The following GALNT13 variants were observed in gnomAD, a reference collection of about 807,000 sequenced individuals.
GALNT13 encodes polypeptide N-acetylgalactosaminyltransferase 13.
Under a neutral mutation model 64.2 loss-of-function variants are expected in GALNT13, and 28 were observed. That is an observed-to-expected ratio of 0.44 (90% CI 0.32 to 0.60). The LOEUF is 0.60. Among genes scored for constraint, GALNT13 ranks in the 20% least tolerant of loss-of-function variants. GALNT13 has a pLI of 0.05. For synonymous variants in GALNT13, 214 were observed against 224.6 expected (o/e 0.95, Z 0.42); for missense variants, 577 against 669.8 (o/e 0.86, Z 1.53).
the GALNT13 span, among the ~76,000 whole-genome samples, chr2:153,291,429 A>G: frequency 6.6e-6 from 1 of 152,186 alleles, no homozygotes; most frequent in Admixed American, 6.5e-5. Context: ...ATAACCTAGG[A>G]TCACATAGTG....
chr2:154,364,885 G>T (rs1428540367), intron 9 of GALNT13, among the ~76,000 whole-genome samples: 1 of 152,130 alleles, frequency 6.6e-6, no homozygotes, highest in Non-Finnish European at 1.5e-5. Flanking sequence ...TGGCTAAGCT[G>T]GTCTTGAACT....
At chr2:153,852,757 T>C in the GALNT13 span, among the ~76,000 whole-genome samples, 7 of 152,208 alleles carry the variant, frequency 4.6e-5, no homozygotes, top group Non-Finnish European at 7.4e-5. Context: ...GCTTTAAACA[T>C]ATAACAGCCA....
chr2:154,101,306 A>G (rs367994569), intron 3 of GALNT13, among the ~76,000 whole-genome samples: 38 of 151,848 alleles, frequency 2.5e-4, no homozygotes, highest in Non-Finnish European at 4.9e-4. Flanking sequence ...GGTTGTAATA[A>G]TTTTATTACA....
At chr2:153,320,990 T>C in the GALNT13 span, among the ~76,000 whole-genome samples, 2 of 152,196 alleles carry the variant, frequency 1.3e-5, no homozygotes, top group Non-Finnish European at 2.9e-5. Flanking sequence ...GCTACTTATT[T>C]GTACTGATTC....
At chr2:153,508,724 G>A in the GALNT13 span, among the ~76,000 whole-genome samples, 6 of 152,232 alleles carry the variant, frequency 3.9e-5, no homozygotes, top group South Asian at 6.2e-4. Context: ...TCCTTCAAAG[G>A]GTTTATGGAT....
intron 3 of GALNT13, among the ~76,000 whole-genome samples, chr2:154,004,415 A>G (rs1282014921): frequency 1.3e-5 from 2 of 152,116 alleles, no homozygotes; most frequent in Admixed American, 1.3e-4. Context: ...CATGTTAGCC[A>G]GGATGGTCTT....
At chr2:154,088,205 A>G (rs965433977) in intron 3 of GALNT13, among the ~76,000 whole-genome samples, 1 of 152,006 alleles carries the variant, frequency 6.6e-6, no homozygotes, top group African/African-American at 2.4e-5. Flanking sequence ...TAAGGCCTTC[A>G]TTTCTTCTGT....
At chr2:153,575,611 C>G in the GALNT13 span, among the ~76,000 whole-genome samples, 22 of 152,122 alleles carry the variant, frequency 1.4e-4, no homozygotes, top group Non-Finnish European at 2.8e-4. Context: ...CTCTTCACTC[C>G]CCTTTCTAAA....
chr2:153,709,986 G>C, the GALNT13 span, among the ~76,000 whole-genome samples: 4 of 152,058 alleles, frequency 2.6e-5, no homozygotes, highest in African/African-American at 7.2e-5. Context: ...CTGTGGGGTG[G>C]ACGCAATGTG....
the GALNT13 span, among the ~76,000 whole-genome samples, chr2:153,515,534 G>C: frequency 6.6e-6 from 1 of 152,158 alleles, no homozygotes; most frequent in African/African-American, 2.4e-5. Flanking sequence ...CAAATCCTGA[G>C]AAATAAACTA....
Position 154,130,883 on chromosome 2 carries a change from C to T in GALNT13, c.143-9454C>T, listed in dbSNP as rs1490645058. 5.3e-5 allele frequency among the ~76,000 whole-genome samples: 8 copies of T among 152,272 alleles called. No homozygotes were observed. In the South Asian group the frequency reaches 1.7e-3, roughly 32 times the overall value. On this transcript the variant is annotated intron_variant, in intron 3 of 12. Coordinates refer to ENST00000392825, the MANE Select transcript of GALNT13 (RefSeq NM_052917.4). ...TGTAAACAGCTTCTGTAAAATGGCC[C>T]TTGTTTTACTTGAGATGTCCTCTTC...
chr2:153,965,810 ACC>A (rs772138441), intron 3 of GALNT13, among the ~76,000 whole-genome samples: 3 of 150,782 alleles, frequency 2.0e-5, no homozygotes, highest in African/African-American at 7.3e-5. Flanking sequence ...CAAAAAAAAA[ACC>A]CAAAAACTAA....
chr2:153,477,637 C>G, the GALNT13 span: 1 of 149,398 alleles, frequency 6.7e-6, no homozygotes, highest in African/African-American at 2.5e-5. Flanking sequence ...AAACAGGCCA[C>G]TGGGGCAGAA....
chr2:153,776,128 T>G, the GALNT13 span, among the ~76,000 whole-genome samples: 1 of 152,184 alleles, frequency 6.6e-6, no homozygotes, highest in Non-Finnish European at 1.5e-5. Context: ...AACTCAGAGA[T>G]TTGACATAGA....
At chr2:154,171,989 C>T (rs1685377346) in intron 4 of GALNT13, among the ~76,000 whole-genome samples, 2 of 151,636 alleles carry the variant, frequency 1.3e-5, no homozygotes, top group South Asian at 4.2e-4. Flanking sequence ...CACACACACA[C>T]ACACACACAC....
At chr2:153,347,603 G>C in the GALNT13 span, among the ~76,000 whole-genome samples, 1 of 152,254 alleles carries the variant, frequency 6.6e-6, no homozygotes, top group East Asian at 1.9e-4. Flanking sequence ...ACAGAGTTTG[G>C]AATCCATCAC....
the GALNT13 span, among the ~76,000 whole-genome samples, chr2:153,862,031 ATATAACAACATATG>A: frequency 9.2e-5 from 14 of 152,210 alleles, no homozygotes; most frequent in Non-Finnish European, 1.8e-4. Flanking sequence ...CCAAAAGATA[ATATAACAACATATG>A]TGTCACATGA....
the GALNT13 span, among the ~76,000 whole-genome samples, chr2:153,501,075 A>AAT: frequency 1.2e-3 from 178 of 151,848 alleles, no homozygotes; most frequent in East Asian, 4.1e-3. Context: ...AAAAAAAAAA[A>AAT]ATATATAAAT....
the GALNT13 span, among the ~76,000 whole-genome samples, chr2:153,431,297 A>AT: frequency 2.6e-5 from 4 of 151,782 alleles, no homozygotes; most frequent in African/African-American, 7.3e-5. Context: ...ATCTTTCCAG[A>AT]TTTTTTCTGC....
Sources: gnomAD v4.1 joint callset for allele counts (sites outside exome capture counted in the v4.1 genomes callset) on GRCh38, gnomAD v4.1.1 for gene constraint, MANE v1.5 for transcripts, NCBI Gene and HGNC (gene_info 2026-07-23, HGNC 2026-07-21) for gene names.